Variants in EBF4 observed in about 807,000 individuals in gnomAD.
The protein encoded by EBF4 is EBF transcription factor 4.
Under a neutral mutation model 67.1 loss-of-function variants are expected in EBF4, and 34 were observed. That is an observed-to-expected ratio of 0.51 (90% confidence interval 0.39 to 0.67). The LOEUF is 0.67. EBF4 is among the 30% of genes least tolerant of loss of function. EBF4 has a pLI of 0.00. For missense variants in EBF4, 837 were observed against 873.3 expected, an observed-to-expected ratio of 0.96 and a Z score of 0.52; for synonymous variants, 387 against 377.7, an observed-to-expected ratio of 1.02 and a Z score of -0.29.
intron 6 of EBF4, among the ~76,000 whole-genome samples, chr20:2,729,250 A>G (rs1453647754): frequency 6.6e-6 from 1 of 152,110 alleles, no homozygotes. Flanking sequence ...CATTTTCGCA[A>G]CAGTTCACAG....
chr20:2,705,235 C>A (rs1159181754), intron 1 of EBF4, among the ~76,000 whole-genome samples: 2 of 152,242 alleles, frequency 1.3e-5, no homozygotes, highest in Non-Finnish European at 2.9e-5. Context: ...GTCAGAAAGA[C>A]AGATTGGTTC....
chr20:2,709,957 G>C (rs1035929318), intron 6 of EBF4, among the ~76,000 whole-genome samples: 1 of 152,188 alleles, frequency 6.6e-6, no homozygotes, highest in Non-Finnish European at 1.5e-5. Context: ...GAACCGTCCA[G>C]GTGGAGTGGC....
chr20:2,698,193 G>A (rs2087323860), intron 1 of EBF4, among the ~76,000 whole-genome samples: 1 of 152,188 alleles, frequency 6.6e-6, no homozygotes, highest in Non-Finnish European at 1.5e-5. Context: ...TTTGGTCACT[G>A]TGCCAATTTC....
At position 2,706,184 on chromosome 20, in the gene EBF4, A is replaced by C. The variant is rs376796954; in HGVS notation, c.359-25A>C. ...GGCTGCACATGCTCCCCCAGCAGCA[A>C]GCCCTCTCCATCTTCCCATCCTAGG... is the stretch of plus-strand genomic sequence containing the variant. On this transcript the variant is annotated intron_variant, in intron 3 of 16. Transcript: ENST00000609451. 11 of 1,551,946 alleles carry C rather than the reference A, an allele frequency of 7.1e-6. No homozygotes were observed. The African/African-American group carries it at 1.5e-4, about 21-fold the overall frequency.
intron 6 of EBF4, among the ~76,000 whole-genome samples, chr20:2,718,470 G>A (rs184030631): frequency 6.6e-6 from 1 of 152,280 alleles, no homozygotes; most frequent in Admixed American, 6.5e-5. Flanking sequence ...TTCTCTAATA[G>A]ATATAGAAGG....
chr20:2,714,441 T>C (rs927682493), intron 6 of EBF4, among the ~76,000 whole-genome samples: 1 of 152,082 alleles, frequency 6.6e-6, no homozygotes, highest in South Asian at 2.1e-4. Context: ...CACCTCGACC[T>C]CCTGGGCTCA....
At chr20:2,699,876 C>A (rs956846361) in intron 1 of EBF4, among the ~76,000 whole-genome samples, 1 of 152,222 alleles carries the variant, frequency 6.6e-6, no homozygotes, top group Non-Finnish European at 1.5e-5. Context: ...TGGCATCCAT[C>A]GTACCCCAGG....
chr20:2,750,977 G>A (rs1568587462), intron 10 of EBF4, among the ~76,000 whole-genome samples: 1 of 152,208 alleles, frequency 6.6e-6, no homozygotes, highest in Non-Finnish European at 1.5e-5. Context: ...TGAGACTGGT[G>A]GATTAGGTCG....
At chr20:2,711,577 G>T (rs1307349606) in intron 6 of EBF4, among the ~76,000 whole-genome samples, 1 of 152,198 alleles carries the variant, frequency 6.6e-6, no homozygotes, top group Non-Finnish European at 1.5e-5. Flanking sequence ...CAGCAATTTT[G>T]AGAATGCCTA....
At chr20:2,716,444 G>A (rs6115648) in intron 6 of EBF4, among the ~76,000 whole-genome samples, 5,229 of 151,020 alleles carry the variant, frequency 0.035, 318 homozygotes, top group African/African-American at 0.12. Flanking sequence ...CAGGAGAATC[G>A]CTTGAACTCA....
intron 1 of EBF4, among the ~76,000 whole-genome samples, chr20:2,702,614 A>G (rs1287449439): frequency 6.6e-6 from 1 of 152,246 alleles, no homozygotes. Context: ...GTAAAACAAT[A>G]GCAAGTCCCT....
chr20:2,736,187 T>G (rs1014900954), intron 6 of EBF4, among the ~76,000 whole-genome samples: 1 of 152,028 alleles, frequency 6.6e-6, no homozygotes, highest in African/African-American at 2.4e-5. Context: ...TAGGGAAACA[T>G]ACCCTCCCAT....
intron 6 of EBF4, among the ~76,000 whole-genome samples, chr20:2,743,671 G>C (rs1353390475): frequency 1.3e-5 from 2 of 152,038 alleles, no homozygotes; most frequent in Non-Finnish European, 2.9e-5. Flanking sequence ...GAATAAGATG[G>C]CCAAATTAGA....
intron 6 of EBF4, among the ~76,000 whole-genome samples, chr20:2,719,220 A>G (rs1403110013): frequency 6.6e-6 from 1 of 151,772 alleles, no homozygotes; most frequent in Non-Finnish European, 1.5e-5. Context: ...AGCCTCCTAA[A>G]TAGCTGTGAC....
At chr20:2,737,082 T>C (rs567964586) in intron 6 of EBF4, among the ~76,000 whole-genome samples, 1 of 150,462 alleles carries the variant, frequency 6.6e-6, no homozygotes, top group Non-Finnish European at 1.5e-5. Flanking sequence ...ACCCCGTCTC[T>C]ACTAAAAATA....
Position 2,696,717 on chromosome 20 carries a change from A to T in EBF4, c.137+2935A>T, listed in dbSNP as rs929990695. Among the ~76,000 whole-genome samples the T allele has an allele frequency of 1.3e-5, 2 of 152,068 alleles. No homozygotes were observed. The highest frequency in any genetic ancestry group is 4.8e-5 in the African/African-American group (2 of 41,392). ...CCCTCAGCACCCGCACATCCCCTGGATTAAGTCTCACCAGCCTCAGGACTC... is the reference window on the plus strand; with the variant it reads ...CCCTCAGCACCCGCACATCCCCTGGTTTAAGTCTCACCAGCCTCAGGACTC... On this transcript the variant is annotated intron_variant, in intron 1 of 16. Coordinates refer to ENST00000609451, the Ensembl canonical transcript of EBF4. The surrounding 1 kb of genome is among the most constrained non-coding windows in gnomAD (Gnocchi z 4.7).
At chr20:2,754,624 C>T (rs912765448) in intron 14 of EBF4, among the ~76,000 whole-genome samples, 1 of 152,192 alleles carries the variant, frequency 6.6e-6, no homozygotes. Flanking sequence ...CCTTCTCAGG[C>T]TATTGCTTTC....
At chr20:2,741,991 AC>A (rs745874832) in intron 6 of EBF4, among the ~76,000 whole-genome samples, 8 of 152,142 alleles carry the variant, frequency 5.3e-5, no homozygotes, top group Non-Finnish European at 1.0e-4. Flanking sequence ...GACCTCTGCA[AC>A]CCTGTTGAAT....
chr20:2,751,846 G>A lies in EBF4; in HGVS notation c.1107+58G>A, dbSNP rs531261301. On this transcript the variant is annotated intron_variant, in intron 11 of 16. Coordinates refer to ENST00000609451, the Ensembl canonical transcript of EBF4. This position sits in a 1 kb window ranked among gnomAD's most constrained non-coding sequence, Gnocchi z 5.2. Reference sequence around the variant, plus strand: ...GGGTGTCCTGTGGGCAAGGGGGTGAGGAGGGGCTCCCGAGGGCCCCTTGGT... The same window carrying A: ...GGGTGTCCTGTGGGCAAGGGGGTGAAGAGGGGCTCCCGAGGGCCCCTTGGT... The A allele has an allele frequency of 0.013, 19,837 of 1,548,298 alleles. 164 individuals are homozygous for A. Among genetic ancestry groups the A allele is most frequent in the Middle Eastern group, 0.016 (86 of 5,540 alleles).
Sources: allele counts gnomAD v4.1 joint callset (sites outside exome capture counted in the v4.1 genomes callset), GRCh38; gene constraint gnomAD v4.1.1; non-coding constraint Gnocchi (gnomAD v3.1); transcripts MANE v1.5; gene names NCBI Gene and HGNC (gene_info 2026-07-23, HGNC 2026-07-21).